Variants in DNAH5 observed in about 807,000 individuals in gnomAD.
DNAH5 encodes axonemal beta dynein heavy chain 5.
A neutral mutation model predicts 518.2 loss-of-function variants in DNAH5; 372 were observed. The observed-to-expected ratio is 0.72, with a 90% CI of 0.66 to 0.78. The LOEUF (loss-of-function observed/expected upper bound fraction) is 0.78. DNAH5 is among the 30% of genes least tolerant of loss of function. DNAH5 has a pLI of 0.00. For synonymous variants in DNAH5, 2,039 were observed against 2,025.9 expected (o/e 1.01, Z -0.17); for missense variants, 5,523 against 5,687.0 (o/e 0.97, Z 0.93).
At position 13,912,146 on chromosome 5, in the gene DNAH5, C is replaced by T. The variant is rs1034045437; in HGVS notation, c.1537-653G>A. On this transcript the variant is annotated intron_variant, in intron 11 of 78. Transcript: ENST00000265104. Reference sequence around the variant, plus strand: ...TTGCTTTCAATAATGAGCTATAATGCTCTGCGATTCTTCTTAACCAGGTAC... The same window carrying T: ...TTGCTTTCAATAATGAGCTATAATGTTCTGCGATTCTTCTTAACCAGGTAC... Among the ~76,000 whole-genome samples the T allele has an allele frequency of 5.3e-5, 8 of 152,112 alleles. No individual in the cohort carries two copies. The East Asian group carries it at 1.3e-3, about 26-fold the overall frequency.
At chr5:13,895,910 T>A (rs556903360) in intron 15 of DNAH5, among the ~76,000 whole-genome samples, 1 of 151,990 alleles carries the variant, frequency 6.6e-6, no homozygotes. Context: ...AAACCCAGAG[T>A]CATCCTTGAT....
At chr5:13,898,777 C>G in intron 15 of DNAH5, 2 of 395,790 alleles carry the variant, frequency 5.1e-6, no homozygotes, top group Non-Finnish European at 8.9e-6. Context: ...ATGTTAACCA[C>G]TATGAAATTT....
At chr5:13,795,743 AC>A (rs1262239615) in intron 47 of DNAH5, among the ~76,000 whole-genome samples, 3 of 61,150 alleles carry the variant, frequency 4.9e-5, no homozygotes, top group African/African-American at 1.6e-4. Flanking sequence ...CAGAGTCACA[AC>A]AAAAAAAGAG....
intron 29 of DNAH5, among the ~76,000 whole-genome samples, chr5:13,861,966 A>C (rs1768498096): frequency 6.6e-6 from 1 of 151,090 alleles, no homozygotes; most frequent in South Asian, 2.1e-4. Context: ...AAAAAAAAAA[A>C]AAAAAAAAAA....
chr5:13,811,711 T>G lies in DNAH5; in HGVS notation c.7343A>C (p.Glu2448Ala). The change falls in exon 44 of 79, where the codon GAG (glutamate) becomes GCG (alanine). Residue 2448 changes from glutamate to alanine, a missense_variant. Glu to Ala is a moderately radical substitution (Grantham distance 107). Coordinates refer to ENST00000265104, the MANE Select transcript of DNAH5 (RefSeq NM_001369.3). The stretch of plus-strand genomic sequence containing the variant: ...TGTGATGACAAAGGCCTCCAGCACC[T>G]CCATCTTGTATTCTAAGTTCTGGAT... ...FCIQNLEYKM[E>A]VLEAFVITQS... 1 of 1,614,130 alleles carries G rather than the reference T, an allele frequency of 6.2e-7. No homozygotes were observed. Among genetic ancestry groups the G allele is most frequent in the Non-Finnish European group, 8.5e-7 (1 of 1,180,010 alleles).
intron 1 of DNAH5, among the ~76,000 whole-genome samples, chr5:13,978,750 A>T (rs1782459990): frequency 1.3e-5 from 2 of 152,212 alleles, no homozygotes; most frequent in African/African-American, 4.8e-5. Context: ...TGCAGGCTAT[A>T]GCATCCAGGT....
At chr5:13,719,802 T>C (rs528742049) in intron 71 of DNAH5, among the ~76,000 whole-genome samples, 13 of 152,260 alleles carry the variant, frequency 8.5e-5, no homozygotes, top group East Asian at 7.7e-4. Context: ...CAACTGAGCA[T>C]ACACCCTTTA....
intron 1 of DNAH5, among the ~76,000 whole-genome samples, chr5:13,958,925 A>G (rs1780959473): frequency 6.6e-6 from 1 of 152,160 alleles, no homozygotes; most frequent in African/African-American, 2.4e-5. Context: ...GAAATTAATC[A>G]TGAAGGAATT....
intron 11 of DNAH5, among the ~76,000 whole-genome samples, chr5:13,913,277 AT>A (rs1776241139): frequency 6.6e-6 from 1 of 152,096 alleles, no homozygotes; most frequent in Non-Finnish European, 1.5e-5. Context: ...AATCAAAATA[AT>A]TAGGGAAATC....
intron 72 of DNAH5, 86 bp from the exon 73 acceptor site, chr5:13,717,606 T>G (rs1456262578): frequency 1.8e-6 from 2 of 1,093,874 alleles, no homozygotes; most frequent in Non-Finnish European, 2.7e-6. Context: ...TTTTTGTAAA[T>G]CCCTGATATT....
At chr5:13,928,636 A>C (rs1352909390) in intron 2 of DNAH5, among the ~76,000 whole-genome samples, 1 of 152,264 alleles carries the variant, frequency 6.6e-6, no homozygotes, top group Non-Finnish European at 1.5e-5. Context: ...CACACCTTCC[A>C]GTAAGCAACC....
chr5:13,878,689 G>A (rs1258671225), intron 21 of DNAH5, among the ~76,000 whole-genome samples: 2 of 152,126 alleles, frequency 1.3e-5, no homozygotes, highest in African/African-American at 4.8e-5. Flanking sequence ...GGAGTCAGTG[G>A]GTCTTTGCAC....
chr5:13,844,349 G>A (rs1387687689), intron 32 of DNAH5, among the ~76,000 whole-genome samples: 1 of 152,196 alleles, frequency 6.6e-6, no homozygotes, highest in African/African-American at 2.4e-5. Flanking sequence ...GATTTCCGCA[G>A]CTGTGCAAGT....
chr5:13,961,952 C>T (rs570522106), intron 1 of DNAH5, among the ~76,000 whole-genome samples: 2 of 152,122 alleles, frequency 1.3e-5, no homozygotes, highest in African/African-American at 4.8e-5. Flanking sequence ...GCTTTGCTTT[C>T]AATGCAAAGC....
chr5:13,704,863 A>T (rs1742573508), intron 76 of DNAH5, among the ~76,000 whole-genome samples: 1 of 152,224 alleles, frequency 6.6e-6, no homozygotes, highest in Non-Finnish European at 1.5e-5. Flanking sequence ...ACCAGAGACT[A>T]GAGGGTGGAG....
chr5:13,986,547 A>G (rs192517256), intron 1 of DNAH5, among the ~76,000 whole-genome samples: 1 of 152,328 alleles, frequency 6.6e-6, no homozygotes, highest in African/African-American at 2.4e-5. Context: ...CAAAAAGACT[A>G]TGGACACAAA....
chr5:14,008,481 G>T (rs139397823), intron 1 of DNAH5, among the ~76,000 whole-genome samples: 29 of 152,120 alleles, frequency 1.9e-4, no homozygotes, highest in African/African-American at 6.7e-4. Flanking sequence ...AAAAGTAGCA[G>T]GGCTTGGTAG....
At chr5:13,882,365 A>C (rs1771794492) in intron 21 of DNAH5, among the ~76,000 whole-genome samples, 1 of 152,148 alleles carries the variant, frequency 6.6e-6, no homozygotes, top group Admixed American at 6.5e-5. Flanking sequence ...TAAAAAAAAA[A>C]AAAAACTACA....
intron 6 of DNAH5, among the ~76,000 whole-genome samples, chr5:13,920,134 A>G (rs1443099531): frequency 6.6e-6 from 1 of 152,216 alleles, no homozygotes; most frequent in Non-Finnish European, 1.5e-5. Flanking sequence ...TTTGTGTTTA[A>G]GGTGAAGTCT....
Sources: gnomAD v4.1 joint callset for allele counts (sites outside exome capture counted in the v4.1 genomes callset) on GRCh38, gnomAD v4.1.1 for gene constraint, MANE v1.5 for transcripts, NCBI Gene and HGNC (gene_info 2026-07-23, HGNC 2026-07-21) for gene names.